COL13A1: variants seen among roughly 807,000 people sequenced by gnomAD.
The protein encoded by COL13A1 is collagen type XIII alpha 1 chain, also known as collagen alpha-1(XIII) chain.
In COL13A1, 89 loss-of-function variants were observed where a neutral mutation model predicts 130.9. That is an observed-to-expected ratio of 0.68 (90% CI 0.57 to 0.81). The LOEUF (loss-of-function observed/expected upper bound fraction) is 0.81. COL13A1 is among the 30% of genes least tolerant of loss of function. The pLI is 0.00. For missense variants in COL13A1, 879 were observed against 934.6 expected, an observed-to-expected ratio of 0.94 and a Z score of 0.78; for synonymous variants, 402 against 341.6, an observed-to-expected ratio of 1.18 and a Z score of -1.95.
chr10:69,868,563 T>C (rs1388953281), intron 3 of COL13A1, among the ~76,000 whole-genome samples: 1 of 152,176 alleles, frequency 6.6e-6, no homozygotes, highest in Non-Finnish European at 1.5e-5. Flanking sequence ...CTGGGGGAGC[T>C]GGAGATAGGA....
At chr10:69,821,435 C>A (rs1002008157) in intron 1 of COL13A1, among the ~76,000 whole-genome samples, 1 of 152,230 alleles carries the variant, frequency 6.6e-6, no homozygotes, top group Non-Finnish European at 1.5e-5. Context: ...AGTCCCTTAC[C>A]TGTGACATGA....
intron 14 of COL13A1, 112 bp from the exon 15 acceptor site, chr10:69,902,636 T>G: frequency 1.2e-6 from 1 of 810,580 alleles, no homozygotes; most frequent in South Asian, 1.9e-5. Flanking sequence ...CCATCACCAC[T>G]CCTTCCCGGC....
At chr10:69,851,996 G>A (rs565886556) in intron 2 of COL13A1, among the ~76,000 whole-genome samples, 168 of 152,316 alleles carry the variant, frequency 1.1e-3, no homozygotes, top group African/African-American at 4.0e-3. Flanking sequence ...GCTGACAGCT[G>A]CTGTAATAGA....
intron 38 of COL13A1, among the ~76,000 whole-genome samples, chr10:69,949,063 T>A (rs2068975078): frequency 6.6e-6 from 1 of 152,212 alleles, no homozygotes; most frequent in African/African-American, 2.4e-5. Context: ...GCCAATTGAC[T>A]TATTCCCAAA....
chr10:69,955,384 C>T (rs1317759908), intron 39 of COL13A1: 3 of 152,574 alleles, frequency 2.0e-5, no homozygotes, highest in East Asian at 1.9e-4. Context: ...CGCTCTGGCC[C>T]GCAGGGGCTC....
intron 2 of COL13A1, among the ~76,000 whole-genome samples, chr10:69,861,745 A>C (rs189596299): frequency 9.1e-4 from 138 of 152,288 alleles, no homozygotes; most frequent in Non-Finnish European, 1.7e-3. Context: ...AGAATTGTGA[A>C]ACCTTGTCTA....
intron 9 of COL13A1, among the ~76,000 whole-genome samples, chr10:69,889,164 C>G (rs548211246): frequency 3.9e-5 from 6 of 152,204 alleles, no homozygotes; most frequent in African/African-American, 1.4e-4. Context: ...GGGAGACTAC[C>G]CCCACCCCTG....
intron 2 of COL13A1, among the ~76,000 whole-genome samples, chr10:69,865,042 G>A (rs940372519): frequency 1.4e-4 from 22 of 152,186 alleles, no homozygotes; most frequent in Non-Finnish European, 3.1e-4. Context: ...GTGGTAGTAC[G>A]GGCAGTACCT....
Position 69,944,592 on chromosome 10 carries a change from G to C in COL13A1, c.1968+414G>C, listed in dbSNP as rs879580285. Among the ~76,000 whole-genome samples, 3 of 151,332 alleles carry C rather than the reference G, an allele frequency of 2.0e-5. No individual in the cohort carries two copies. In the East Asian group the frequency reaches 5.8e-4, roughly 29 times the overall value. On this transcript the variant is annotated intron_variant, in intron 36 of 40. Coordinates refer to ENST00000645393, the MANE Select transcript of COL13A1 (RefSeq NM_001368882.1). The stretch of plus-strand genomic sequence containing the variant: ...GAGGATCAGTTGAGCCCAGGAAGTG[G>C]AGGCTGCAGTGAACCATTATTATAT...
chr10:69,846,730 G>A (rs1853217431), intron 2 of COL13A1, among the ~76,000 whole-genome samples: 1 of 152,240 alleles, frequency 6.6e-6, no homozygotes, highest in Non-Finnish European at 1.5e-5. Flanking sequence ...CACACAGGGT[G>A]CTTTTTTGAT....
chr10:69,955,304 C>G (rs2070433216), intron 39 of COL13A1: 2 of 152,444 alleles, frequency 1.3e-5, no homozygotes, highest in African/African-American at 2.4e-5. Flanking sequence ...CTGCCAAACC[C>G]TGCGCTTGCA....
intron 2 of COL13A1, among the ~76,000 whole-genome samples, chr10:69,839,691 G>A (rs1851064082): frequency 6.6e-6 from 1 of 152,260 alleles, no homozygotes; most frequent in Non-Finnish European, 1.5e-5. Flanking sequence ...ATGCTGGTTA[G>A]CAGCAAAAGC....
At chr10:69,905,703 G>A in intron 16 of COL13A1, 84 bp from the exon 17 acceptor site, 1 of 1,472,658 alleles carries the variant, frequency 6.8e-7, no homozygotes, top group Non-Finnish European at 9.4e-7. Context: ...GAGAGGAAGA[G>A]GGATGGTATT....
chr10:69,861,910 C>T (rs947719913), intron 2 of COL13A1, among the ~76,000 whole-genome samples: 3 of 152,072 alleles, frequency 2.0e-5, no homozygotes, highest in Non-Finnish European at 4.4e-5. Flanking sequence ...GTCTTGTGGC[C>T]GAGAGATGTC....
chr10:69,916,762 A>C (rs1302386457), intron 17 of COL13A1, among the ~76,000 whole-genome samples: 2 of 152,072 alleles, frequency 1.3e-5, no homozygotes, highest in Non-Finnish European at 2.9e-5. Context: ...CCTTGGGGAG[A>C]GTTAGACCCA....
chr10:69,904,857 C>T, intron 15 of COL13A1, 76 bp from the exon 16 acceptor site: 1 of 1,494,326 alleles, frequency 6.7e-7, no homozygotes. Context: ...CTAGGGTCTA[C>T]TGTAAGTATG....
intron 2 of COL13A1, among the ~76,000 whole-genome samples, chr10:69,830,227 C>A (rs1403953757): frequency 6.6e-6 from 1 of 152,194 alleles, no homozygotes; most frequent in Non-Finnish European, 1.5e-5. Context: ...CCTTCCTAGG[C>A]ACTTCTGAGA....
intron 15 of COL13A1, 28 bp from the exon 16 acceptor site, chr10:69,904,905 C>CTTTTTTTTTTT (rs60054259): frequency 2.8e-5 from 41 of 1,475,794 alleles, no homozygotes; most frequent in South Asian, 1.0e-4. Flanking sequence ...TTTCTTTTTT[C>CTTTTTTTTTTT]TTTTTTTTTT....
intron 2 of COL13A1, among the ~76,000 whole-genome samples, chr10:69,852,215 T>C (rs906050358): frequency 6.6e-6 from 1 of 152,242 alleles, no homozygotes; most frequent in Admixed American, 6.5e-5. Context: ...CCGTCTACTA[T>C]ATTTGCATAT....
Sources: gnomAD v4.1 joint callset for allele counts (sites outside exome capture counted in the v4.1 genomes callset) on GRCh38, gnomAD v4.1.1 for gene constraint, MANE v1.5 for transcripts, NCBI Gene and HGNC (gene_info 2026-07-23, HGNC 2026-07-21) for gene names.